ARL9: variants seen among roughly 807,000 people sequenced by gnomAD.
ARL9 encodes the protein ADP-ribosylation factor-like protein 9.
In ARL9, 14 loss-of-function variants were observed where a neutral mutation model predicts 27.0. That is an observed-to-expected ratio of 0.52 (90% confidence interval 0.34 to 0.81). The LOEUF (loss-of-function observed/expected upper bound fraction) is 0.81, where lower values mean the gene tolerates loss of function less well. Ranked by LOEUF, ARL9 falls within the 30% of genes least tolerant of loss-of-function variation. The pLI is 0.01. For missense variants in ARL9, 294 were observed against 290.0 expected, an observed-to-expected ratio of 1.01 and a Z score of -0.10; for synonymous variants, 106 against 108.7, an observed-to-expected ratio of 0.98 and a Z score of 0.15.
At chr4:56,511,388 AT>A (rs58131416) in intron 2 of ARL9, 41 bp downstream of exon 2, 31,697 of 1,571,336 alleles carry the variant, frequency 0.02, 393 homozygotes, top group Middle Eastern at 0.031. Flanking sequence ...GCCACATTTT[AT>A]TGTCTCTTAA....
At position 56,506,045 on chromosome 4, in the gene ARL9, G is replaced by A. The variant is rs1721450020; in HGVS notation, c.183G>A (p.Gly61=). The A allele has an allele frequency of 1.6e-6, 2 of 1,230,742 alleles. No homozygotes were observed. Among genetic ancestry groups the A allele is most frequent in the South Asian group, 4.1e-5 (1 of 24,476 alleles). The allele number at this position is 1,230,742 out of a possible 1,614,324, so 76.2% of individuals were successfully genotyped here. A position where few individuals can be genotyped will look rare whatever the true frequency, so the allele number is the denominator to read the frequency against. The change falls in exon 1 of 4, where the codon GGG becomes GGA. Residue 61 remains glycine, a synonymous_variant. Transcript: ENST00000640821. ...KEKEEKRTKQ[G]KETNKEKEQF... ...AAGAGGAAAAGAGGACAAAGCAAGGGAAGGAGACAAACAAAGAGAAGGAAC... is the reference window on the plus strand; with the variant it reads ...AAGAGGAAAAGAGGACAAAGCAAGGAAAGGAGACAAACAAAGAGAAGGAAC...
chr4:56,505,943 GAA>G lies in ARL9; in HGVS notation c.83_84del (p.Lys28SerfsTer11), dbSNP rs1721444917. 13 of 1,228,852 alleles carry G rather than the reference GAA, an allele frequency of 1.1e-5. No individual in the cohort carries two copies. Among genetic ancestry groups the G allele is most frequent in the Non-Finnish European group, 1.1e-5 (11 of 982,630 alleles). 76.1% of individuals were successfully genotyped at this position (1,228,852 alleles called of 1,614,324 possible). ...EKIGEKGREEKVKRKEVEQKI... is the reference protein window; with the variant it reads ...EKIGEKGREEXVKRKEVEQKI... Reference sequence around the variant, plus strand: ...AAATCGGAGAAAAGGGTAGGGAAGAGAAAGTGAAAAGAAAGGAGGTGGAGCAG... The same window carrying G: ...AAATCGGAGAAAAGGGTAGGGAAGAGAGTGAAAAGAAAGGAGGTGGAGCAG... On this transcript the variant is annotated frameshift_variant, in exon 1 of 4. Coordinates refer to ENST00000640821, the MANE Select transcript of ARL9 (RefSeq NM_001363794.2). LOFTEE classifies it high-confidence loss of function.
chr4:56,522,416 G>A (rs549644993), intron 3 of ARL9, among the ~76,000 whole-genome samples: 8 of 150,008 alleles, frequency 5.3e-5, no homozygotes, highest in Admixed American at 4.0e-4. Flanking sequence ...GTGAGATTCC[G>A]TCTCAAAAAA....
At chr4:56,508,545 C>G (rs1261772090) in intron 1 of ARL9, among the ~76,000 whole-genome samples, 2 of 152,130 alleles carry the variant, frequency 1.3e-5, no homozygotes, top group Non-Finnish European at 2.9e-5. Context: ...CGCCACCACG[C>G]CCGGCTAATT....
chr4:56,506,023 A>AG lies in ARL9; in HGVS notation c.163dup (p.Glu55GlyfsTer18). ...GAGAGGAGAAAGGGAAAAGAGAAAG[A>AG]GGAAAAGAGGACAAAGCAAGGGAAG... On this transcript the variant is annotated frameshift_variant, in exon 1 of 4. Coordinates refer to ENST00000640821, the MANE Select transcript of ARL9 (RefSeq NM_001363794.2). LOFTEE classifies it high-confidence loss of function. The AG allele has an allele frequency of 8.2e-7, 1 of 1,221,444 alleles. No homozygotes were observed. Among genetic ancestry groups the AG allele is most frequent in the Non-Finnish European group, 1.0e-6 (1 of 977,882 alleles). 75.7% of individuals were successfully genotyped at this position (1,221,444 alleles called of 1,614,324 possible). A position where few individuals can be genotyped will look rare whatever the true frequency, so the allele number is the denominator to read the frequency against.
chr4:56,511,374 G>A (rs1224759140), intron 2 of ARL9, 27 bp downstream of exon 2: 1 of 1,586,422 alleles, frequency 6.3e-7, no homozygotes, highest in Non-Finnish European at 8.6e-7. Context: ...TTAGTTATAA[G>A]ATAGCCACAT....
intron 1 of ARL9, among the ~76,000 whole-genome samples, chr4:56,509,201 C>CTTTTCTTTTTTTTTT (rs1553949438): frequency 2.2e-5 from 3 of 133,352 alleles, no homozygotes; most frequent in African/African-American, 5.7e-5. Context: ...TTTTCTTTTT[C>CTTTTCTTTTTTTTTT]TTTTTTTTGT....
intron 2 of ARL9, among the ~76,000 whole-genome samples, chr4:56,517,060 C>T (rs1721785638): frequency 6.6e-6 from 1 of 152,204 alleles, no homozygotes; most frequent in Non-Finnish European, 1.5e-5. Flanking sequence ...GCATTAGTTA[C>T]ATGCTTAGAT....
In ARL9 at chr4:56,518,854, G is replaced by C; in HGVS notation, c.618+1G>C. 2 of 1,612,096 alleles carry C rather than the reference G, an allele frequency of 1.2e-6. No individual in the cohort carries two copies. The highest frequency in any genetic ancestry group is 1.7e-6 in the Non-Finnish European group (2 of 1,178,928). ...TCTGGTTGTGTTTGCAAACAAACAG[G>C]TAAAAATCTGTGCAAATATAAATTG... is the stretch of plus-strand genomic sequence containing the variant. On this transcript the variant is annotated splice_donor_variant, in intron 3 of 3. Coordinates refer to ENST00000640821, the MANE Select transcript of ARL9 (RefSeq NM_001363794.2). LOFTEE classifies it high-confidence loss of function.
chr4:56,506,644 G>C, intron 1 of ARL9: 1 of 985,396 alleles, frequency 1.0e-6, no homozygotes, highest in Non-Finnish European at 1.2e-6. Context: ...AATGGATGGC[G>C]GAAAAGTTTT....
rs753023397 is a variant in ARL9, at chr4:56,505,975, TTA to T, written c.114_115del (p.Lys39ThrfsTer33). The T allele has an allele frequency of 1.3e-4, 161 of 1,201,818 alleles. No individual in the cohort carries two copies. The highest frequency in any genetic ancestry group is 1.5e-4 in the Non-Finnish European group (148 of 966,634). 74.4% of individuals were successfully genotyped at this position (1,201,818 alleles called of 1,614,324 possible). On this transcript the variant is annotated frameshift_variant, in exon 1 of 4. Coordinates refer to ENST00000640821, the MANE Select transcript of ARL9 (RefSeq NM_001363794.2). LOFTEE classifies it high-confidence loss of function. ...AAAAGAAAGGAGGTGGAGCAGAAAA[TTA>T]AACAAAAGCAAGAGAAGCAGGAGAG...
intron 1 of ARL9, among the ~76,000 whole-genome samples, chr4:56,508,391 T>G (rs1190656645): frequency 6.6e-6 from 1 of 151,120 alleles, no homozygotes; most frequent in East Asian, 1.9e-4. Context: ...TTCTTTTTCT[T>G]TTTTTTTTGA....
upstream of ARL9, chr4:56,505,679 C>G: frequency 1.0e-6 from 1 of 995,966 alleles, no homozygotes; most frequent in African/African-American, 1.7e-5. Flanking sequence ...CTGCAAGAAG[C>G]CCTGCATCCG....
Position 56,523,826 on chromosome 4 carries a change from A to G in ARL9, c.748A>G (p.Met250Val), listed in dbSNP as rs1284574801. The G allele has an allele frequency of 2.5e-6, 4 of 1,613,912 alleles. No homozygotes were observed. In the East Asian group the frequency reaches 6.7e-5, roughly 27 times the overall value. ...TKNGSEIPSTMQDAKDLIAQL... is the reference protein window; with the variant it reads ...TKNGSEIPSTVQDAKDLIAQL... ...GAATGGCTCAGAGATACCCTCCACC[A>G]TGCAAGATGCCAAAGACTTGATTGC... is the stretch of plus-strand genomic sequence containing the variant. The change falls in exon 4 of 4, where the codon ATG (methionine) becomes GTG (valine). Residue 250 changes from methionine (M) to valine (V), a missense_variant. Met to Val is a conservative substitution (Grantham distance 21). Coordinates refer to ENST00000640821, the MANE Select transcript of ARL9 (RefSeq NM_001363794.2).
At chr4:56,521,954 C>T (rs1047479877) in intron 3 of ARL9, among the ~76,000 whole-genome samples, 1 of 151,396 alleles carries the variant, frequency 6.6e-6, no homozygotes, top group Non-Finnish European at 1.5e-5. Flanking sequence ...AGATTTTCTT[C>T]CCTTCCCTCC....
At chr4:56,510,298 T>A (rs1578208603) in intron 1 of ARL9, among the ~76,000 whole-genome samples, 1 of 143,290 alleles carries the variant, frequency 7.0e-6, no homozygotes. Flanking sequence ...GAGGTTGCAG[T>A]GAGCCGAGAT....
chr4:56,506,170 GC>G, intron 1 of ARL9, 29 bp downstream of exon 1: 1 of 1,232,886 alleles, frequency 8.1e-7, no homozygotes, highest in Non-Finnish European at 1.0e-6. Context: ...AGGACCCCTT[GC>G]CCCAAGGCTT....
upstream of ARL9, chr4:56,505,738 G>C (rs1393649766): frequency 7.2e-6 from 10 of 1,395,738 alleles, no homozygotes; most frequent in Non-Finnish European, 9.3e-6. Context: ...AGCGCCCGCG[G>C]GTTGTCTACG....
chr4:56,515,448 TC>T (rs1355805055), intron 2 of ARL9, among the ~76,000 whole-genome samples: 1 of 151,980 alleles, frequency 6.6e-6, no homozygotes, highest in Non-Finnish European at 1.5e-5. Context: ...AAAACTTTAC[TC>T]CTAAACAGAA....
Sources: gnomAD v4.1 joint callset for allele counts (sites outside exome capture counted in the v4.1 genomes callset) on GRCh38, gnomAD v4.1.1 for gene constraint, MANE v1.5 for transcripts, NCBI Gene and HGNC (gene_info 2026-07-23, HGNC 2026-07-21) for gene names.